CHODL: variants seen among roughly 807,000 people sequenced by gnomAD.
CHODL encodes the protein transmembrane protein MT75.
CHODL carries 29 observed loss-of-function variants against 34.5 expected under a neutral mutation model. That is an observed-to-expected ratio of 0.84 (90% CI 0.63 to 1.15). The LOEUF is 1.15. Among genes scored for constraint, CHODL ranks in the 50% most tolerant of loss-of-function variants. The probability of loss-of-function intolerance (pLI) is 0.00; values close to 1 mark genes in which losing one functional copy is unlikely to be tolerated. For synonymous variants in CHODL, 125 were observed against 116.1 expected, an observed-to-expected ratio of 1.08 and a Z score of -0.49; for missense variants, 332 against 332.5, an observed-to-expected ratio of 1.00 and a Z score of 0.01.
At chr21:18,180,231 C>T (rs185891753) in intron 2 of CHODL, among the ~76,000 whole-genome samples, 35 of 152,246 alleles carry the variant, frequency 2.3e-4, no homozygotes, top group East Asian at 7.7e-4. Flanking sequence ...CGGATCACTG[C>T]AGCCTTGACC....
intron 2 of CHODL, among the ~76,000 whole-genome samples, chr21:18,125,106 C>G (rs1246970150): frequency 1.3e-5 from 2 of 152,184 alleles, no homozygotes; most frequent in Non-Finnish European, 2.9e-5. Context: ...GCTGTTTAGT[C>G]TTAAGCCAGG....
At chr21:18,014,831 A>G (rs1159635386) in intron 1 of CHODL, among the ~76,000 whole-genome samples, 1 of 152,206 alleles carries the variant, frequency 6.6e-6, no homozygotes, top group Admixed American at 6.5e-5. Flanking sequence ...CAATTAAACC[A>G]CTTTTCTTTA....
chr21:18,118,702 A>G (rs1018251181), intron 2 of CHODL, among the ~76,000 whole-genome samples: 19 of 152,190 alleles, frequency 1.2e-4, no homozygotes, highest in African/African-American at 4.6e-4. Flanking sequence ...CTCAACATCA[A>G]AACAACTCAT....
chr21:18,090,737 A>C (rs2065062977), intron 2 of CHODL, among the ~76,000 whole-genome samples: 2 of 151,458 alleles, frequency 1.3e-5, no homozygotes, highest in Admixed American at 1.3e-4. Flanking sequence ...AAAAAAAAAA[A>C]AAAAAAAAAC....
chr21:17,979,361 G>T (rs1384813991), intron 1 of CHODL, among the ~76,000 whole-genome samples: 1 of 152,092 alleles, frequency 6.6e-6, no homozygotes, highest in African/African-American at 2.4e-5. Flanking sequence ...CTGTTTTGTT[G>T]AAAATTGTGG....
At chr21:17,944,001 G>C (rs962367513) in intron 1 of CHODL, among the ~76,000 whole-genome samples, 3 of 152,150 alleles carry the variant, frequency 2.0e-5, no homozygotes, top group African/African-American at 7.2e-5. Context: ...AGAGATATCA[G>C]CTAAACTTAT....
At chr21:17,964,232 T>C (rs1392253679) in intron 1 of CHODL, among the ~76,000 whole-genome samples, 1 of 152,232 alleles carries the variant, frequency 6.6e-6, no homozygotes, top group African/African-American at 2.4e-5. Flanking sequence ...TTTCATATTT[T>C]ACATGTGAAT....
chr21:18,035,030 C>A (rs376396925), intron 2 of CHODL, among the ~76,000 whole-genome samples: 17 of 151,934 alleles, frequency 1.1e-4, no homozygotes, highest in African/African-American at 3.9e-4. Flanking sequence ...TTGCAGAGAA[C>A]CTTAAGTTCT....
chr21:18,190,315 A>C (rs182680656), intron 2 of CHODL, among the ~76,000 whole-genome samples: 1 of 152,190 alleles, frequency 6.6e-6, no homozygotes, highest in African/African-American at 2.4e-5. Flanking sequence ...AATGAAAGCT[A>C]CTTATAGGTA....
chr21:17,947,039 G>A (rs776441856), intron 1 of CHODL, among the ~76,000 whole-genome samples: 1 of 151,770 alleles, frequency 6.6e-6, no homozygotes, highest in Non-Finnish European at 1.5e-5. Flanking sequence ...TTGCTATGTT[G>A]TAATTACAGA....
chr21:18,081,149 T>C (rs1331548177), intron 2 of CHODL, among the ~76,000 whole-genome samples: 1 of 152,186 alleles, frequency 6.6e-6, no homozygotes, highest in Non-Finnish European at 1.5e-5. Flanking sequence ...TCATTATTAG[T>C]GTATAGAAAT....
intron 1 of CHODL, among the ~76,000 whole-genome samples, chr21:18,007,658 AACT>A (rs2063973194): frequency 6.6e-6 from 1 of 152,194 alleles, no homozygotes; most frequent in African/African-American, 2.4e-5. Context: ...CCCTAAATCG[AACT>A]GCTATTTGTT....
At chr21:18,264,905 C>T (rs755515788) in intron 5 of CHODL, among the ~76,000 whole-genome samples, 8 of 151,894 alleles carry the variant, frequency 5.3e-5, no homozygotes, top group African/African-American at 9.7e-5. Flanking sequence ...GGTGCAGAGC[C>T]GGAGAAGCGA....
At chr21:17,998,830 GC>G (rs2063877646) in intron 1 of CHODL, among the ~76,000 whole-genome samples, 1 of 152,210 alleles carries the variant, frequency 6.6e-6, no homozygotes, top group Non-Finnish European at 1.5e-5. Context: ...AGGCCTCCAG[GC>G]CTGTAATGTG....
At chr21:17,971,723 T>G (rs372418364) in intron 1 of CHODL, among the ~76,000 whole-genome samples, 21 of 152,020 alleles carry the variant, frequency 1.4e-4, no homozygotes, top group African/African-American at 5.1e-4. Flanking sequence ...CTACCAGAGG[T>G]ACAGAGAGGA....
At position 18,257,170 on chromosome 21, in the gene CHODL, T is replaced by G. The variant is rs1448778090; in HGVS notation, c.547+43T>G. The G allele has an allele frequency of 5.2e-6, 8 of 1,527,130 alleles. No homozygotes were observed. The South Asian group carries it at 9.9e-5, about 19-fold the overall frequency. 94.6% of individuals were successfully genotyped at this position (1,527,130 alleles called of 1,614,324 possible). A position where few individuals can be genotyped will look rare whatever the true frequency, so the allele number is the denominator to read the frequency against. On this transcript the variant is annotated intron_variant, in intron 3 of 5. Transcript: ENST00000299295. The stretch of plus-strand genomic sequence containing the variant: ...AAGGTATAGAAGATTTTGTGCATGT[T>G]TAATTGTATTAAGTTTTGTCTTTAA...
At chr21:18,216,833 C>T (rs866203677) in intron 2 of CHODL, among the ~76,000 whole-genome samples, 4 of 152,146 alleles carry the variant, frequency 2.6e-5, no homozygotes, top group East Asian at 1.9e-4. Flanking sequence ...AACCAGATCT[C>T]GTGAGAACTC....
chr21:18,081,928 T>G (rs1235773770), intron 2 of CHODL, among the ~76,000 whole-genome samples: 1 of 152,208 alleles, frequency 6.6e-6, no homozygotes, highest in Admixed American at 6.5e-5. Context: ...GTTTTTGTCC[T>G]CAACCCTGTT....
intron 1 of CHODL, among the ~76,000 whole-genome samples, chr21:17,959,323 G>A (rs1366943455): frequency 6.6e-6 from 1 of 152,106 alleles, no homozygotes; most frequent in Admixed American, 6.6e-5. Context: ...AGTTTACTCT[G>A]TCCACTACGT....
Sources: gnomAD v4.1 joint callset for allele counts (sites outside exome capture counted in the v4.1 genomes callset) on GRCh38, gnomAD v4.1.1 for gene constraint, MANE v1.5 for transcripts, NCBI Gene and HGNC (gene_info 2026-07-23, HGNC 2026-07-21) for gene names.